The following IFT81 variants were observed in gnomAD, a reference collection of about 807,000 sequenced individuals.
The protein encoded by IFT81 is intraflagellar transport protein 81 homolog.
In IFT81, 72 loss-of-function variants were observed where a neutral mutation model predicts 102.6. The observed-to-expected ratio is 0.70, with a 90% CI of 0.58 to 0.85. The LOEUF is 0.85. IFT81 is among the 40% of genes least tolerant of loss of function. The pLI is 0.00. For synonymous variants in IFT81, 237 were observed against 242.7 expected, an observed-to-expected ratio of 0.98 and a Z score of 0.22; for missense variants, 723 against 787.3, an observed-to-expected ratio of 0.92 and a Z score of 0.98.
chr12:110,185,138 G>A (rs1897467924), intron 12 of IFT81, among the ~76,000 whole-genome samples: 2 of 152,146 alleles, frequency 1.3e-5, no homozygotes, highest in Non-Finnish European at 2.9e-5. Context: ...TAGTGCTTAT[G>A]CCAGAGATTA....
At chr12:110,212,841 GA>G (rs112515013) in intron 18 of IFT81, among the ~76,000 whole-genome samples, 57 of 142,432 alleles carry the variant, frequency 4.0e-4, no homozygotes, top group Middle Eastern at 3.6e-3. Flanking sequence ...CCATCTCAAA[GA>G]AAAAAAAAAA....
In IFT81 at chr12:110,218,212, C is replaced by G; in HGVS notation, c.2017C>G (p.Arg673Gly). 1 of 1,537,468 alleles carries G rather than the reference C, an allele frequency of 6.5e-7. No individual in the cohort carries two copies. Among genetic ancestry groups the G allele is most frequent in the East Asian group, 2.3e-5 (1 of 42,940 alleles). Residue 673 changes from arginine to glycine, a missense_variant, in exon 19 of 19, where the codon CGG becomes GGG. Arg to Gly is a moderately radical substitution (Grantham distance 125). Coordinates refer to ENST00000242591, the MANE Select transcript of IFT81 (RefSeq NM_014055.4). ...GGTAATTCAGGAGGGTGGGGAGGAC[C>G]GGCTAATACTGTGAATTCTTGTGTC... ...GQVIQEGGED[R>G]LIL is the part of the protein sequence containing the mutation.
At chr12:110,141,931 T>C (rs1194773108) in intron 8 of IFT81, among the ~76,000 whole-genome samples, 1 of 152,062 alleles carries the variant, frequency 6.6e-6, no homozygotes, top group Non-Finnish European at 1.5e-5. Flanking sequence ...AATGTGTAAA[T>C]GGAAAGATAT....
chr12:110,165,726 G>A (rs1420102404), intron 11 of IFT81, among the ~76,000 whole-genome samples: 1 of 152,176 alleles, frequency 6.6e-6, no homozygotes, highest in Non-Finnish European at 1.5e-5. Flanking sequence ...AAGTGGCCAA[G>A]CTAAGACCCA....
At chr12:110,191,167 T>TA in intron 13 of IFT81, 119 bp downstream of exon 13, 6 of 810,610 alleles carry the variant, frequency 7.4e-6, no homozygotes, top group East Asian at 3.0e-5. Context: ...CATTCTTTCA[T>TA]CTTTTTTTTT....
At position 110,203,905 on chromosome 12, in the gene IFT81, T is replaced by C. The variant is rs756034809; in HGVS notation, c.1599T>C (p.Asp533=). The change falls in exon 15 of 19, where the codon GAT becomes GAC. Residue 533 remains aspartate (D), a synonymous_variant. Coordinates refer to ENST00000242591, the MANE Select transcript of IFT81 (RefSeq NM_014055.4). The part of the protein sequence containing the change: ...QECDEKKSQY[D]SCAAGLESNR... ...GTGATGAAAAGAAATCCCAGTATGA[T>C]AGCTGTGCAGCAGGCCTCGAAAGCA... is the stretch of plus-strand genomic sequence containing the variant. 1 of 1,613,750 alleles carries C rather than the reference T, an allele frequency of 6.2e-7. No homozygotes were observed. The highest frequency in any genetic ancestry group is 2.2e-5 in the East Asian group (1 of 44,878).
intron 14 of IFT81, among the ~76,000 whole-genome samples, chr12:110,200,995 A>T (rs990635965): frequency 3.3e-5 from 5 of 150,408 alleles, no homozygotes; most frequent in East Asian, 1.9e-4. Flanking sequence ...ACTTCTAATT[A>T]AAAAAAAAAT....
At chr12:110,179,773 T>TACACACAC (rs34207126) in intron 11 of IFT81, among the ~76,000 whole-genome samples, 899 of 50,234 alleles carry the variant, frequency 0.018, 40 homozygotes, top group East Asian at 0.13. Flanking sequence ...TATATATATA[T>TACACACAC]ACACACACAC....
intron 12 of IFT81, among the ~76,000 whole-genome samples, chr12:110,183,162 G>A (rs962516055): frequency 6.6e-6 from 1 of 152,156 alleles, no homozygotes; most frequent in African/African-American, 2.4e-5. Context: ...CTTGGTTTGA[G>A]GTGATATTAT....
chr12:110,191,860 A>G (rs1004040371), intron 13 of IFT81, among the ~76,000 whole-genome samples: 3 of 151,926 alleles, frequency 2.0e-5, no homozygotes, highest in Non-Finnish European at 4.4e-5. Flanking sequence ...TCTAACTCCT[A>G]AAAAGGTTAG....
At chr12:110,136,532 T>C (rs1392546854) in intron 7 of IFT81, among the ~76,000 whole-genome samples, 1 of 152,232 alleles carries the variant, frequency 6.6e-6, no homozygotes, top group Non-Finnish European at 1.5e-5. Flanking sequence ...TATTTTTCCT[T>C]AAACCGCAAA....
At position 110,205,521 on chromosome 12, in the gene IFT81, C is replaced by T. The variant is rs1252542878; in HGVS notation, c.1716+7C>T. The stretch of plus-strand genomic sequence containing the variant: ...TACAAATTGTATGATTAAGGTAAGA[C>T]AAAGTAGATCAAAAACATTTCTGAG... On this transcript the variant is annotated splice_region_variant and intron_variant, in intron 16 of 18. Transcript: ENST00000242591. 1.3e-6 allele frequency: 2 copies of T among 1,588,974 alleles called. No homozygotes were observed. The highest frequency in any genetic ancestry group is 3.7e-5 in the Admixed American group (2 of 53,432).
chr12:110,200,630 A>T (rs1261557970), intron 14 of IFT81, among the ~76,000 whole-genome samples: 2 of 152,134 alleles, frequency 1.3e-5, no homozygotes, highest in East Asian at 1.9e-4. Flanking sequence ...ATATTTTTTT[A>T]AAAAAATAAA....
intron 18 of IFT81, among the ~76,000 whole-genome samples, chr12:110,213,063 C>T (rs914511246): frequency 6.7e-6 from 1 of 149,012 alleles, no homozygotes; most frequent in Non-Finnish European, 1.5e-5. Flanking sequence ...ACCATAAACA[C>T]TCTTTTTGAA....
intron 11 of IFT81, among the ~76,000 whole-genome samples, chr12:110,174,109 C>T (rs906016865): frequency 9.2e-5 from 14 of 151,724 alleles, no homozygotes; most frequent in African/African-American, 3.4e-4. Context: ...AACCCCATCT[C>T]TACTAAAAAT....
chr12:110,214,152 A>G (rs1869799235), intron 18 of IFT81, among the ~76,000 whole-genome samples: 1 of 152,208 alleles, frequency 6.6e-6, no homozygotes, highest in African/African-American at 2.4e-5. Context: ...AAAGGAAAAA[A>G]AGAAATAATT....
chr12:110,161,299 C>A (rs892391896), intron 10 of IFT81, among the ~76,000 whole-genome samples: 2 of 151,882 alleles, frequency 1.3e-5, no homozygotes, highest in Non-Finnish European at 2.9e-5. Context: ...CGCCACCATG[C>A]CTGGCTTGGT....
chr12:110,186,685 T>C (rs1195651542), intron 12 of IFT81, among the ~76,000 whole-genome samples: 1 of 151,854 alleles, frequency 6.6e-6, no homozygotes, highest in Admixed American at 6.6e-5. Flanking sequence ...AGCCATTTTG[T>C]GTGTGTGTGT....
intron 11 of IFT81, among the ~76,000 whole-genome samples, chr12:110,176,115 C>G (rs1294505107): frequency 6.6e-6 from 1 of 152,070 alleles, no homozygotes; most frequent in Non-Finnish European, 1.5e-5. Flanking sequence ...CTGTGTGTTT[C>G]CTCAGCCCCT....
Sources: allele counts gnomAD v4.1 joint callset (sites outside exome capture counted in the v4.1 genomes callset), GRCh38; gene constraint gnomAD v4.1.1; transcripts MANE v1.5; gene names NCBI Gene and HGNC (gene_info 2026-07-23, HGNC 2026-07-21).